C1orf159: variants seen among roughly 807,000 people sequenced by gnomAD.
C1orf159 encodes the protein chromosome 1 open reading frame 159, also known as uncharacterized protein C1orf159.
In C1orf159, 19 loss-of-function variants were observed where a neutral mutation model predicts 25.6. The ratio of observed to expected loss-of-function variants is 0.74; its 90% confidence interval spans 0.52 to 1.09. The LOEUF (loss-of-function observed/expected upper bound fraction) is 1.09. Among genes scored for constraint, C1orf159 ranks in the 50% least tolerant of loss-of-function variants. C1orf159 has a pLI of 0.00. For synonymous variants in C1orf159, 139 were observed against 124.7 expected (o/e 1.12, Z -0.77); for missense variants, 274 against 290.6 (o/e 0.94, Z 0.42).
In C1orf159 at chr1:1,099,138, T is replaced by C. The variant is rs796211885; in HGVS notation, c.-135-7035A>G. 3.9e-4 allele frequency among the ~76,000 whole-genome samples: 53 copies of C among 136,044 alleles called. 1 individual carries two copies. Among genetic ancestry groups the C allele is most frequent in the African/African-American group, 1.5e-3 (50 of 32,820 alleles). The allele number at this position is 136,044 out of a possible 152,430, so 89.3% of individuals were successfully genotyped here. On this transcript the variant is annotated intron_variant, in intron 1 of 9. Transcript: ENST00000421241. The stretch of plus-strand genomic sequence containing the variant: ...TCTGACGATGATTGTGGATTGTCTA[T>C]TGATGTTTTTGGTCTATTATTCTAA...
rs1337185776 is a variant in C1orf159, at chr1:1,110,798, A to C, written c.-136+5262T>G. ...GCACGCAACAGCGCATCCCACACCC[A>C]CTCCTTGTGCAGCACCTCAGAGGAA... On this transcript the variant is annotated intron_variant, in intron 1 of 9. Transcript: ENST00000421241. The surrounding 1 kb of genome is among the most constrained non-coding windows in gnomAD (Gnocchi z 4.8). Among the ~76,000 whole-genome samples the C allele has an allele frequency of 1.3e-5, 2 of 151,668 alleles. No homozygotes were observed. The highest frequency in any genetic ancestry group is 2.4e-5 in the African/African-American group (1 of 41,270).
chr1:1,103,149 T>C (rs1173667890), intron 1 of C1orf159, among the ~76,000 whole-genome samples: 8 of 152,188 alleles, frequency 5.3e-5, no homozygotes, highest in Non-Finnish European at 1.0e-4. Flanking sequence ...AGCCAGATCT[T>C]GTGTTTGTTT....
In C1orf159 at chr1:1,082,623, C is replaced by T. The variant is rs995907536; in HGVS notation, c.*270G>A. On this transcript the variant is annotated 3_prime_UTR_variant, in exon 10 of 10. Coordinates refer to ENST00000421241, the MANE Select transcript of C1orf159 (RefSeq NM_017891.5). ...CCTCACCGTGTTTCCTGGGGGGGCC[C>T]GGACCCCCCAAGGCCTCGATCTGAA... is the stretch of plus-strand genomic sequence containing the variant. 43 of 493,234 alleles carry T rather than the reference C, an allele frequency of 8.7e-5. 1 individual carries two copies. The highest frequency in any genetic ancestry group is 5.6e-4 in the South Asian group (26 of 46,710). 30.6% of individuals were successfully genotyped at this position (493,234 alleles called of 1,614,324 possible).
intron 1 of C1orf159, among the ~76,000 whole-genome samples, chr1:1,114,563 G>A (rs1646307652): frequency 6.6e-6 from 1 of 152,198 alleles, no homozygotes; most frequent in African/African-American, 2.4e-5. Flanking sequence ...AGGTGACTGC[G>A]TGTGGAAACA....
intron 1 of C1orf159, among the ~76,000 whole-genome samples, chr1:1,103,998 T>C (rs1323494298): frequency 2.0e-5 from 3 of 151,318 alleles, no homozygotes; most frequent in Admixed American, 6.6e-5. Context: ...TTTTACTTTT[T>C]TTTTTCTGAG....
At chr1:1,102,385 T>TA (rs1646113848) in intron 1 of C1orf159, among the ~76,000 whole-genome samples, 1 of 151,768 alleles carries the variant, frequency 6.6e-6, no homozygotes, top group Admixed American at 6.6e-5. Flanking sequence ...CACCCTTTTT[T>TA]TTTTTTCCAG....
At chr1:1,113,102 A>C (rs1646284253) in intron 1 of C1orf159, among the ~76,000 whole-genome samples, 1 of 151,878 alleles carries the variant, frequency 6.6e-6, no homozygotes, top group Non-Finnish European at 1.5e-5. Context: ...AGGCTGAGGC[A>C]GGAGAATGAC....
intron 3 of C1orf159, 85 bp downstream of exon 3, chr1:1,091,387 G>A: frequency 8.0e-7 from 1 of 1,251,180 alleles, no homozygotes; most frequent in Non-Finnish European, 1.1e-6. Context: ...AAAGGTGGAA[G>A]GGTTAGACCC....
chr1:1,083,428 C>T (rs540134352), intron 9 of C1orf159: 5 of 193,974 alleles, frequency 2.6e-5, no homozygotes, highest in African/African-American at 9.4e-5. Flanking sequence ...CCTGAAACAA[C>T]GGCCAGGGCC....
chr1:1,107,759 ATGGAAG>A (rs1314270160), intron 1 of C1orf159, among the ~76,000 whole-genome samples: 31 of 152,080 alleles, frequency 2.0e-4, no homozygotes, highest in Non-Finnish European at 3.4e-4. Flanking sequence ...CTTCCACACT[ATGGAAG>A]CTTTGTTCTT....
At chr1:1,097,583 A>AG (rs1557428880) in intron 1 of C1orf159, among the ~76,000 whole-genome samples, 4 of 137,840 alleles carry the variant, frequency 2.9e-5, no homozygotes, top group African/African-American at 1.2e-4. Context: ...CAGCTCATTA[A>AG]ATTTTTTTTT....
chr1:1,109,180 C>T (rs1232159157), intron 1 of C1orf159, among the ~76,000 whole-genome samples: 11 of 152,144 alleles, frequency 7.2e-5, no homozygotes, highest in Admixed American at 5.9e-4. Context: ...CTATACAGAC[C>T]GTGGAATATT....
chr1:1,085,170 T>C, intron 7 of C1orf159: 1 of 290,014 alleles, frequency 3.4e-6, no homozygotes, highest in Admixed American at 4.0e-5. Flanking sequence ...TGGACAGGGG[T>C]CTCACAGCAG....
In C1orf159 at chr1:1,082,774, G is replaced by A. The variant is rs553836459; in HGVS notation, c.*119C>T. 139 of 933,678 alleles carry A rather than the reference G, an allele frequency of 1.5e-4. No homozygotes were observed. The highest frequency in any genetic ancestry group is 3.0e-4 in the Middle Eastern group (1 of 3,328). 57.8% of individuals were successfully genotyped at this position (933,678 alleles called of 1,614,324 possible). ...GGGAGGCGGAGGGACTCAGAGCCGA[G>A]GCTGTGCCCAGGACTGTCCCGGGCG... is the stretch of plus-strand genomic sequence containing the variant. On this transcript the variant is annotated 3_prime_UTR_variant, in exon 10 of 10. Coordinates refer to ENST00000421241, the MANE Select transcript of C1orf159 (RefSeq NM_017891.5).
At chr1:1,115,241 C>T (rs1327257945) in intron 1 of C1orf159, among the ~76,000 whole-genome samples, 1 of 151,422 alleles carries the variant, frequency 6.6e-6, no homozygotes, top group Non-Finnish European at 1.5e-5. Context: ...TAAATTACAC[C>T]CAAACTCAAT....
chr1:1,099,664 G>C (rs1570323638), intron 1 of C1orf159, among the ~76,000 whole-genome samples: 1 of 135,742 alleles, frequency 7.4e-6, no homozygotes, highest in Non-Finnish European at 1.6e-5. Context: ...TATGATTGTG[G>C]ATTGTCTGCT....
chr1:1,114,213 C>T (rs893847042), intron 1 of C1orf159, among the ~76,000 whole-genome samples: 5 of 152,254 alleles, frequency 3.3e-5, no homozygotes, highest in Non-Finnish European at 5.9e-5. Flanking sequence ...TGAGCCACCG[C>T]GCACAGCCAG....
rs746854920 is a variant in C1orf159 at position 1,084,523 on chromosome 1, G to A, written c.446-17C>T. ...GGGCCGGAGCTGTGGGGGAGAAAGC[G>A]GAGAGTCACCCTGGAGCCCAGGAGC... is the stretch of plus-strand genomic sequence containing the variant. On this transcript the variant is annotated splice_polypyrimidine_tract_variant and intron_variant, in intron 7 of 9. Transcript: ENST00000421241. 41 of 1,551,294 alleles carry A rather than the reference G, an allele frequency of 2.6e-5. No homozygotes were observed. Among genetic ancestry groups the A allele is most frequent in the South Asian group, 2.0e-4 (17 of 84,140 alleles).
At chr1:1,112,576 TG>T (rs1365613041) in intron 1 of C1orf159, among the ~76,000 whole-genome samples, 2 of 150,700 alleles carry the variant, frequency 1.3e-5, no homozygotes, top group East Asian at 2.0e-4. Flanking sequence ...ACACAGCGCA[TG>T]CTCCCTCCCC....
Sources: gnomAD v4.1 joint callset for allele counts (sites outside exome capture counted in the v4.1 genomes callset) on GRCh38, gnomAD v4.1.1 for gene constraint, Gnocchi (gnomAD v3.1) non-coding constraint, MANE v1.5 for transcripts, NCBI Gene and HGNC (gene_info 2026-07-23, HGNC 2026-07-21) for gene names.